The following MAGI2 variants were observed in gnomAD, a reference collection of about 807,000 sequenced individuals.
MAGI2 encodes the protein membrane associated guanylate kinase, WW and PDZ domain containing 2.
Under a neutral mutation model 133.3 loss-of-function variants are expected in MAGI2, and 35 were observed. The observed-to-expected ratio is 0.26, with a 90% CI of 0.20 to 0.35. MAGI2 has a LOEUF of 0.35. Among genes scored for constraint, MAGI2 ranks in the 10% least tolerant of loss-of-function variants. MAGI2 has a pLI of 1.00. For synonymous variants in MAGI2, 729 were observed against 710.6 expected (o/e 1.03, Z -0.41); for missense variants, 1,636 against 1,863.4 (o/e 0.88, Z 2.25).
At chr7:79,303,004 TA>T (rs1260858180) in intron 1 of MAGI2, among the ~76,000 whole-genome samples, 3 of 152,236 alleles carry the variant, frequency 2.0e-5, no homozygotes, top group Admixed American at 6.5e-5. Flanking sequence ...ATAAACTGTA[TA>T]AAAATATTTC....
chr7:78,681,105 C>T (rs560531495), intron 2 of MAGI2, among the ~76,000 whole-genome samples: 5 of 152,164 alleles, frequency 3.3e-5, no homozygotes, highest in South Asian at 2.1e-4. Flanking sequence ...CAGACTCCCC[C>T]GACAAGATGC....
chr7:78,709,940 AGC>A (rs1819016288), intron 2 of MAGI2, among the ~76,000 whole-genome samples: 1 of 152,120 alleles, frequency 6.6e-6, no homozygotes, highest in African/African-American at 2.4e-5. Flanking sequence ...CAGCCAGGTC[AGC>A]ACAGTCTTTT....
At chr7:78,349,408 GT>G (rs1791255888) in intron 7 of MAGI2, among the ~76,000 whole-genome samples, 1 of 152,048 alleles carries the variant, frequency 6.6e-6, no homozygotes, top group Non-Finnish European at 1.5e-5. Context: ...GTCATTGTTC[GT>G]CATATGCATA....
At chr7:78,248,447 T>C (rs1792028260) in intron 10 of MAGI2, among the ~76,000 whole-genome samples, 1 of 152,114 alleles carries the variant, frequency 6.6e-6, no homozygotes, top group Admixed American at 6.5e-5. Flanking sequence ...TGTAAATGGA[T>C]TGAAATCTCC....
chr7:78,449,609 G>A (rs963521173), intron 6 of MAGI2, among the ~76,000 whole-genome samples: 3 of 152,038 alleles, frequency 2.0e-5, no homozygotes, highest in African/African-American at 7.2e-5. Flanking sequence ...TACTGATTTT[G>A]TATAGAATAA....
At chr7:78,799,005 T>C (rs2151382333) in intron 2 of MAGI2, among the ~76,000 whole-genome samples, 1 of 152,324 alleles carries the variant, frequency 6.6e-6, no homozygotes, top group Admixed American at 6.5e-5. Flanking sequence ...CTATGTTTCA[T>C]TGATGACTGC....
At chr7:78,114,151 G>A (rs532981381) in intron 20 of MAGI2, among the ~76,000 whole-genome samples, 128 of 152,260 alleles carry the variant, frequency 8.4e-4, no homozygotes, top group African/African-American at 3.0e-3. Flanking sequence ...TTCCTTACAA[G>A]GGAGGAAAAC....
intron 1 of MAGI2, among the ~76,000 whole-genome samples, chr7:79,127,401 T>A (rs1820520816): frequency 6.6e-6 from 1 of 152,068 alleles, no homozygotes; most frequent in Non-Finnish European, 1.5e-5. Context: ...GTTGAACTAG[T>A]TTACAGTCCC....
chr7:79,373,181 T>A (rs1843163347), intron 1 of MAGI2, among the ~76,000 whole-genome samples: 2 of 152,076 alleles, frequency 1.3e-5, no homozygotes, highest in Admixed American at 6.6e-5. Flanking sequence ...TTTTTCTTTT[T>A]TTAATAAGTG....
intron 1 of MAGI2, among the ~76,000 whole-genome samples, chr7:79,379,118 C>T (rs1247758665): frequency 7.5e-6 from 1 of 133,494 alleles, no homozygotes; most frequent in Non-Finnish European, 1.6e-5. Flanking sequence ...TCCTCCCCCC[C>T]ACCCCACAAT....
chr7:78,520,159 G>A (rs186983008), intron 4 of MAGI2, among the ~76,000 whole-genome samples: 2 of 152,008 alleles, frequency 1.3e-5, no homozygotes, highest in African/African-American at 4.8e-5. Context: ...ATATATTAAG[G>A]GAGGAGGTTG....
chr7:78,532,041 C>T (rs1304713160), intron 3 of MAGI2, among the ~76,000 whole-genome samples: 1 of 152,164 alleles, frequency 6.6e-6, no homozygotes, highest in Non-Finnish European at 1.5e-5. Flanking sequence ...AGAGCTCTGA[C>T]ACAGAGTCAG....
At chr7:79,433,377 C>A (rs1475805871) in intron 1 of MAGI2, among the ~76,000 whole-genome samples, 1 of 151,936 alleles carries the variant, frequency 6.6e-6, no homozygotes, top group Non-Finnish European at 1.5e-5. Flanking sequence ...CGGTGAAACC[C>A]CTGTCTCTAC....
chr7:78,509,328 A>G (rs1262923192), intron 4 of MAGI2: 1 of 152,204 alleles, frequency 6.6e-6, no homozygotes, highest in African/African-American at 2.4e-5. Flanking sequence ...TGATCTATAA[A>G]AACATATTTT....
At chr7:79,302,568 C>G (rs1369604903) in intron 1 of MAGI2, among the ~76,000 whole-genome samples, 2 of 47,936 alleles carry the variant, frequency 4.2e-5, no homozygotes, top group Non-Finnish European at 9.1e-5. Flanking sequence ...CTTCAACAAT[C>G]TTTTCTAAAT....
intron 3 of MAGI2, among the ~76,000 whole-genome samples, chr7:78,626,239 A>G (rs1222393520): frequency 6.6e-6 from 1 of 152,120 alleles, no homozygotes; most frequent in Non-Finnish European, 1.5e-5. Flanking sequence ...ATGAAAAATT[A>G]TTTTCTACTT....
chr7:78,358,633 C>A, intron 7 of MAGI2: 1 of 187,720 alleles, frequency 5.3e-6, no homozygotes, highest in South Asian at 9.4e-5. Flanking sequence ...TTCCTGCTGC[C>A]CTTTAGGTTG....
chr7:78,668,137 T>C (rs942369301), intron 2 of MAGI2, among the ~76,000 whole-genome samples: 1 of 152,210 alleles, frequency 6.6e-6, no homozygotes, highest in Non-Finnish European at 1.5e-5. Flanking sequence ...ATTTCTTTGA[T>C]GGCCAGTGAT....
intron 10 of MAGI2, among the ~76,000 whole-genome samples, chr7:78,249,703 AGGGTAGTGGGAAGGAG>A (rs1252541428): frequency 6.6e-6 from 1 of 151,984 alleles, no homozygotes; most frequent in Non-Finnish European, 1.5e-5. Flanking sequence ...GTGGCTGGGG[AGGGTAGTGGGAAGGAG>A]GGGTAGGGGG....
Sources: allele counts gnomAD v4.1 joint callset (sites outside exome capture counted in the v4.1 genomes callset), GRCh38; gene constraint gnomAD v4.1.1; transcripts MANE v1.5; gene names NCBI Gene and HGNC (gene_info 2026-07-23, HGNC 2026-07-21).